CSRNP3: variants seen among roughly 807,000 people sequenced by gnomAD.
The protein encoded by CSRNP3 is cysteine and serine rich nuclear protein 3, also known as cysteine/serine-rich nuclear protein 3.
Under a neutral mutation model 48.0 loss-of-function variants are expected in CSRNP3, and 12 were observed. That is an observed-to-expected ratio of 0.25 (90% CI 0.16 to 0.41). The LOEUF (loss-of-function observed/expected upper bound fraction) is 0.41. CSRNP3 is among the 10% of genes least tolerant of loss of function. The pLI is 1.00. For synonymous variants in CSRNP3, 263 were observed against 269.7 expected, an observed-to-expected ratio of 0.98 and a Z score of 0.24; for missense variants, 580 against 724.4, an observed-to-expected ratio of 0.80 and a Z score of 2.29.
At chr2:165,510,572 G>C (rs1351322930) in intron 2 of CSRNP3, among the ~76,000 whole-genome samples, 4 of 151,978 alleles carry the variant, frequency 2.6e-5, no homozygotes, top group Non-Finnish European at 2.9e-5. Context: ...CCTCTTTCCT[G>C]GTCCTAAAAT....
chr2:165,506,252 T>C (rs1273710597), intron 2 of CSRNP3, among the ~76,000 whole-genome samples: 3 of 152,294 alleles, frequency 2.0e-5, no homozygotes, highest in South Asian at 4.1e-4. Context: ...ATCTCCAGGA[T>C]TATTTTAATA....
In CSRNP3 at chr2:165,685,312, TTTATTCTTTTTTTC is replaced by T. The variant is rs1353723952; in HGVS notation, c.*5560_*5573del. ...TTCCTAAACAATGCAGTTGTTTTGTTTTATTCTTTTTTTCCAGAAATTCAAGCTGAAACATTTGA... is the reference window on the plus strand; with the variant it reads ...TTCCTAAACAATGCAGTTGTTTTGTTCAGAAATTCAAGCTGAAACATTTGA... On this transcript the variant is annotated 3_prime_UTR_variant, in exon 7 of 7. Coordinates refer to ENST00000651982, the MANE Select transcript of CSRNP3 (RefSeq NM_001172173.2). 3 of 152,004 alleles carry T rather than the reference TTTATTCTTTTTTTC, an allele frequency of 2.0e-5. No homozygotes were observed. Among genetic ancestry groups the T allele is most frequent in the Non-Finnish European group, 4.4e-5 (3 of 67,970 alleles). 9.4% of individuals were successfully genotyped at this position (152,004 alleles called of 1,614,324 possible).
intron 4 of CSRNP3, among the ~76,000 whole-genome samples, chr2:165,636,315 T>C (rs1686627052): frequency 6.6e-6 from 1 of 152,250 alleles, no homozygotes; most frequent in African/African-American, 2.4e-5. Flanking sequence ...CATGTGTGCA[T>C]AATTGGATGA....
At chr2:165,493,125 A>G (rs1441776739) in intron 1 of CSRNP3, among the ~76,000 whole-genome samples, 1 of 151,966 alleles carries the variant, frequency 6.6e-6, no homozygotes, top group African/African-American at 2.4e-5. Context: ...GCCCCAAGGA[A>G]TTTTAGCATC....
intron 4 of CSRNP3, among the ~76,000 whole-genome samples, chr2:165,606,962 T>A (rs923342167): frequency 6.6e-6 from 1 of 151,934 alleles, no homozygotes; most frequent in African/African-American, 2.4e-5. Context: ...CTCTCTTAAC[T>A]TTTTTTTACA....
intron 1 of CSRNP3, among the ~76,000 whole-genome samples, chr2:165,489,682 G>A (rs368406248): frequency 0.16 from 18,437 of 114,496 alleles, 1,053 homozygotes; most frequent in African/African-American, 0.25. Flanking sequence ...TATAAACAGA[G>A]CCAAAGACAA....
At chr2:165,595,310 T>TA in intron 4 of CSRNP3, 97 bp downstream of exon 4, 1 of 1,189,294 alleles carries the variant, frequency 8.4e-7, no homozygotes, top group Non-Finnish European at 1.2e-6. Flanking sequence ...GCTATATATA[T>TA]TTTCCCATCA....
chr2:165,670,443 T>A (rs1181637232), intron 5 of CSRNP3, among the ~76,000 whole-genome samples: 1 of 152,204 alleles, frequency 6.6e-6, no homozygotes, highest in Non-Finnish European at 1.5e-5. Context: ...GTTCAGTACC[T>A]GTTAAGTGTA....
At chr2:165,546,362 T>C (rs1008425160) in intron 3 of CSRNP3, among the ~76,000 whole-genome samples, 9 of 152,010 alleles carry the variant, frequency 5.9e-5, no homozygotes, top group Admixed American at 4.6e-4. Context: ...CCAGCTAACT[T>C]TTGTATTTTT....
At chr2:165,650,844 C>T (rs1686891724) in intron 4 of CSRNP3, among the ~76,000 whole-genome samples, 1 of 152,208 alleles carries the variant, frequency 6.6e-6, no homozygotes, top group Non-Finnish European at 1.5e-5. Context: ...TTTTGATCAG[C>T]TTAAGAGAGA....
chr2:165,636,575 T>A (rs1457119768), intron 4 of CSRNP3, among the ~76,000 whole-genome samples: 1 of 152,182 alleles, frequency 6.6e-6, no homozygotes. Context: ...ATTATTGCCA[T>A]GTCTAACTTT....
intron 3 of CSRNP3, among the ~76,000 whole-genome samples, chr2:165,554,575 A>G (rs968734932): frequency 6.6e-6 from 1 of 152,208 alleles, no homozygotes; most frequent in Non-Finnish European, 1.5e-5. Context: ...CTTGGACTCA[A>G]GACTGTGTCC....
chr2:165,609,018 A>C (rs1394003425), intron 4 of CSRNP3, among the ~76,000 whole-genome samples: 2 of 149,278 alleles, frequency 1.3e-5, no homozygotes, highest in East Asian at 3.9e-4. Context: ...GAGGCAGGAG[A>C]ATGGCGTGAA....
intron 4 of CSRNP3, among the ~76,000 whole-genome samples, chr2:165,627,184 G>T (rs911821663): frequency 2.0e-5 from 3 of 152,102 alleles, no homozygotes; most frequent in Admixed American, 6.5e-5. Context: ...TAAGCTTGTT[G>T]TCTCCGCTCA....
intron 3 of CSRNP3, among the ~76,000 whole-genome samples, chr2:165,524,980 GT>G (rs1214994445): frequency 6.6e-6 from 1 of 152,182 alleles, no homozygotes; most frequent in African/African-American, 2.4e-5. Flanking sequence ...ATGAGTGTAT[GT>G]TTAGCTTTCT....
intron 2 of CSRNP3, among the ~76,000 whole-genome samples, chr2:165,498,786 T>C (rs1207723430): frequency 3.3e-5 from 5 of 152,150 alleles, no homozygotes; most frequent in African/African-American, 1.2e-4. Context: ...GTTTGAAGGA[T>C]ATGGCTTTAT....
At chr2:165,510,228 C>G (rs1054115931) in intron 2 of CSRNP3, among the ~76,000 whole-genome samples, 2 of 151,966 alleles carry the variant, frequency 1.3e-5, no homozygotes, top group Non-Finnish European at 1.5e-5. Context: ...CACTCAAGGT[C>G]GATGGTGGTG....
At chr2:165,636,853 G>T (rs1054521909) in intron 4 of CSRNP3, among the ~76,000 whole-genome samples, 2 of 151,824 alleles carry the variant, frequency 1.3e-5, no homozygotes, top group Non-Finnish European at 2.9e-5. Context: ...TTTTAATAAT[G>T]CTAGAGCAAA....
intron 3 of CSRNP3, among the ~76,000 whole-genome samples, chr2:165,541,441 C>A (rs1408100063): frequency 1.3e-5 from 2 of 152,056 alleles, no homozygotes; most frequent in African/African-American, 2.4e-5. Flanking sequence ...CCTCTCTCCT[C>A]TGTCTTCAGC....
Sources: allele counts gnomAD v4.1 joint callset (sites outside exome capture counted in the v4.1 genomes callset), GRCh38; gene constraint gnomAD v4.1.1; transcripts MANE v1.5; gene names NCBI Gene and HGNC (gene_info 2026-07-23, HGNC 2026-07-21).